The following MAP3K7 variants were observed in gnomAD, a reference collection of about 807,000 sequenced individuals.
The protein encoded by MAP3K7 is mitogen-activated protein kinase kinase kinase 7.
Under a neutral mutation model 84.8 loss-of-function variants are expected in MAP3K7, and 21 were observed. The ratio of observed to expected loss-of-function variants is 0.25; its 90% confidence interval spans 0.18 to 0.36. The LOEUF (loss-of-function observed/expected upper bound fraction) is 0.36, where lower values mean the gene tolerates loss of function less well. MAP3K7 is among the 10% of genes least tolerant of loss of function. The probability of loss-of-function intolerance (pLI) is 1.00; values close to 1 mark genes in which losing one functional copy is unlikely to be tolerated. For synonymous variants in MAP3K7, 241 were observed against 247.7 expected (o/e 0.97, Z 0.25); for missense variants, 503 against 747.7 (o/e 0.67, Z 3.82).
chr6:90,567,218 C>G (rs942782091), intron 3 of MAP3K7, among the ~76,000 whole-genome samples: 1 of 152,168 alleles, frequency 6.6e-6, no homozygotes, highest in African/African-American at 2.4e-5. Flanking sequence ...CAAATGGGAT[C>G]TAATTAAACT....
chr6:90,579,480 T>C (rs1287862483), intron 1 of MAP3K7, among the ~76,000 whole-genome samples: 1 of 152,188 alleles, frequency 6.6e-6, no homozygotes, highest in Non-Finnish European at 1.5e-5. Context: ...TCTAATCTCA[T>C]GGATTCATAC....
intron 1 of MAP3K7, among the ~76,000 whole-genome samples, chr6:90,582,184 C>T (rs568810134): frequency 2.0e-5 from 3 of 152,292 alleles, no homozygotes; most frequent in South Asian, 4.1e-4. Context: ...CCCTGCTAAA[C>T]AAAAGTATCT....
chr6:90,534,338 GATTAGT>G (rs930610249), intron 13 of MAP3K7, among the ~76,000 whole-genome samples: 68 of 152,194 alleles, frequency 4.5e-4, no homozygotes, highest in African/African-American at 1.6e-3. Flanking sequence ...AGTACATTAG[GATTAGT>G]ATTTGCCACT....
Position 90,560,228 on chromosome 6 carries a change from G to C in MAP3K7, c.344-14C>G. ...CACCATGCAGCACTGCGAAAGAAAG[G>C]CACAAACTAAAAAGAACTTTATTGC... On this transcript the variant is annotated splice_polypyrimidine_tract_variant and intron_variant, in intron 4 of 16. Transcript: ENST00000369329. 6.2e-7 allele frequency: 1 copy of C among 1,613,450 alleles called. No homozygotes were observed. Among genetic ancestry groups the C allele is most frequent in the Non-Finnish European group, 8.5e-7 (1 of 1,179,770 alleles).
rs1774915132 is a variant in MAP3K7 at position 90,515,084 on chromosome 6, C to T, written c.*1417G>A. The T allele has an allele frequency of 6.6e-6, 1 of 151,944 alleles. No individual in the cohort carries two copies. The highest frequency in any genetic ancestry group is 2.4e-5 in the African/African-American group (1 of 41,406). The allele number at this position is 151,944 out of a possible 1,614,324, so 9.4% of individuals were successfully genotyped here. ...GAATAGTTTTGATAACTTCTTAGATCTTGCTTATCTGAAATAGAGCAAAAA... is the reference window on the plus strand; with the variant it reads ...GAATAGTTTTGATAACTTCTTAGATTTTGCTTATCTGAAATAGAGCAAAAA... On this transcript the variant is annotated 3_prime_UTR_variant, in exon 17 of 17. Transcript: ENST00000369329.
chr6:90,560,047 C>T (rs182760504), intron 5 of MAP3K7, 29 bp downstream of exon 5: 1 of 1,613,734 alleles, frequency 6.2e-7, no homozygotes, highest in South Asian at 1.1e-5. Context: ...GAGGAAGAGG[C>T]TGAGGGGTGT....
At chr6:90,572,060 TAAAACCAA>T (rs961631339) in intron 1 of MAP3K7, among the ~76,000 whole-genome samples, 37 of 151,352 alleles carry the variant, frequency 2.4e-4, no homozygotes, top group African/African-American at 8.7e-4. Flanking sequence ...CATTCTCAAG[TAAAACCAA>T]AAAAGACACA....
chr6:90,523,283 A>G (rs1452416442), intron 14 of MAP3K7, among the ~76,000 whole-genome samples: 5 of 152,130 alleles, frequency 3.3e-5, no homozygotes. Context: ...AAAGATTGAG[A>G]TGAAGATGAT....
At chr6:90,553,197 G>A (rs992843367) in intron 7 of MAP3K7, among the ~76,000 whole-genome samples, 15 of 152,172 alleles carry the variant, frequency 9.9e-5, no homozygotes, top group South Asian at 2.1e-4. Context: ...TCTAGGTTGC[G>A]TACTGATGGC....
chr6:90,516,065 C>A lies in MAP3K7; in HGVS notation c.*436G>T. 1.1e-5 allele frequency: 2 copies of A among 184,452 alleles called. No homozygotes were observed. The highest frequency in any genetic ancestry group is 1.1e-4 in the South Asian group (1 of 8,980). 11.4% of individuals were successfully genotyped at this position (184,452 alleles called of 1,614,324 possible). A position where few individuals can be genotyped will look rare whatever the true frequency, so the allele number is the denominator to read the frequency against. ...ACCCTGTCTTTAACTTGGTATATAC[C>A]ATCTTTTGGGAAAAAAATTATTAAT... On this transcript the variant is annotated 3_prime_UTR_variant, in exon 17 of 17. Transcript: ENST00000369329.
In MAP3K7 at chr6:90,568,747, T is replaced by C. The variant is rs183864226; in HGVS notation, c.232-124A>G. The C allele has an allele frequency of 1.7e-4, 113 of 679,940 alleles. 2 individuals are homozygous for C. The Middle Eastern group carries it at 1.9e-3, about 12-fold the overall frequency. The allele number at this position is 679,940 out of a possible 1,614,324, so 42.1% of individuals were successfully genotyped here. A position where few individuals can be genotyped will look rare whatever the true frequency, so the allele number is the denominator to read the frequency against. On this transcript the variant is annotated intron_variant, in intron 2 of 16. Coordinates refer to ENST00000369329, the MANE Select transcript of MAP3K7 (RefSeq NM_145331.3). ...AAATCATTCAACAATCACTATTTAC[T>C]ATGTAACAGGCATTGCAATCATAGT... is the stretch of plus-strand genomic sequence containing the variant.
At chr6:90,569,593 T>C (rs1228007047) in intron 2 of MAP3K7, among the ~76,000 whole-genome samples, 1 of 152,126 alleles carries the variant, frequency 6.6e-6, no homozygotes, top group Non-Finnish European at 1.5e-5. Flanking sequence ...CAATCCTACC[T>C]CAGCCTCTGG....
In MAP3K7 at chr6:90,516,518, G is replaced by A. The variant is rs771627063; in HGVS notation, c.1804C>T (p.Arg602Ter). 18 of 1,611,556 alleles carry A rather than the reference G, an allele frequency of 1.1e-5. No individual in the cohort carries two copies. Among genetic ancestry groups the A allele is most frequent in the Admixed American group, 1.7e-5 (1 of 59,662 alleles). The change falls in exon 17 of 17, where the codon CGA becomes TGA. Residue 602 changes from arginine (R) to a stop codon, truncating the protein, a stop_gained. Transcript: ENST00000369329. LOFTEE classifies it high-confidence loss of function. ...LEVIRSQQQK[R>*]QGTS ...CCAGAGAATCATGAAGTGCCTTGTCGTTTCTGCTGCTGACTTCTGATGACC... is the reference window on the plus strand; with the variant it reads ...CCAGAGAATCATGAAGTGCCTTGTCATTTCTGCTGCTGACTTCTGATGACC...
intron 13 of MAP3K7, among the ~76,000 whole-genome samples, chr6:90,529,488 G>A (rs1775430187): frequency 6.6e-6 from 1 of 152,170 alleles, no homozygotes; most frequent in South Asian, 2.1e-4. Flanking sequence ...AAGTGTGAAT[G>A]AGAAAAAGTA....
chr6:90,575,686 T>C (rs1260291716), intron 1 of MAP3K7, among the ~76,000 whole-genome samples: 3 of 152,054 alleles, frequency 2.0e-5, no homozygotes, highest in Non-Finnish European at 2.9e-5. Context: ...CTAGCTCAAA[T>C]ACTTAATGAA....
At chr6:90,527,374 C>T (rs937232521) in intron 13 of MAP3K7, among the ~76,000 whole-genome samples, 5 of 151,764 alleles carry the variant, frequency 3.3e-5, no homozygotes, top group Admixed American at 2.6e-4. Context: ...GTAATCCTCC[C>T]ACCTCAGCCT....
Position 90,579,148 on chromosome 6 carries a change from T to G in MAP3K7, c.121-7341A>C, listed in dbSNP as rs143934002. Among the ~76,000 whole-genome samples the G allele has an allele frequency of 1.0e-3, 155 of 152,326 alleles. 1 individual carries two copies. In the East Asian group the frequency reaches 0.024, roughly 23 times the overall value. On this transcript the variant is annotated intron_variant, in intron 1 of 16. Coordinates refer to ENST00000369329, the MANE Select transcript of MAP3K7 (RefSeq NM_145331.3). ...TGCCTGGTACAGAGAAAAATGCTAC[T>G]CAAAGGCAGCAAGTATGATAACTAA...
At chr6:90,547,549 A>G (rs149195927) in intron 10 of MAP3K7, among the ~76,000 whole-genome samples, 162 bp from the exon 11 acceptor site, 1 of 152,308 alleles carries the variant, frequency 6.6e-6, no homozygotes, top group East Asian at 1.9e-4. Context: ...GGGTAAGGGA[A>G]AGCAAGCTGC....
At chr6:90,552,233 T>A in intron 7 of MAP3K7, 54 bp from the exon 8 acceptor site, 1 of 1,504,930 alleles carries the variant, frequency 6.6e-7, no homozygotes, top group Non-Finnish European at 9.2e-7. Flanking sequence ...CAAAGAATGA[T>A]GCAAACTCTT....
Sources: gnomAD v4.1 joint callset for allele counts (sites outside exome capture counted in the v4.1 genomes callset) on GRCh38, gnomAD v4.1.1 for gene constraint, MANE v1.5 for transcripts, NCBI Gene and HGNC (gene_info 2026-07-23, HGNC 2026-07-21) for gene names.